CMC1: variants seen among roughly 807,000 people sequenced by gnomAD.
The protein encoded by CMC1 is COX assembly mitochondrial protein homolog.
Under a neutral mutation model 14.1 loss-of-function variants are expected in CMC1, and 14 were observed. That is an observed-to-expected ratio of 0.99 (90% CI 0.66 to 1.55). CMC1 has a LOEUF of 1.55. CMC1 is among the 40% of genes most tolerant of loss of function. CMC1 has a pLI of 0.00. For synonymous variants in CMC1, 50 were observed against 38.4 expected, an observed-to-expected ratio of 1.30 and a Z score of -1.12; for missense variants, 127 against 123.8, an observed-to-expected ratio of 1.03 and a Z score of -0.12.
chr3:28,272,835 C>T (rs191797169), intron 2 of CMC1, among the ~76,000 whole-genome samples: 11 of 152,254 alleles, frequency 7.2e-5, no homozygotes, highest in Non-Finnish European at 1.2e-4. Flanking sequence ...CAGGTGCCCA[C>T]CACCACGCCT....
At chr3:28,254,710 A>G (rs1699302951) in intron 1 of CMC1, among the ~76,000 whole-genome samples, 2 of 152,230 alleles carry the variant, frequency 1.3e-5, no homozygotes, top group Admixed American at 1.3e-4. Context: ...TAGAGCAAAT[A>G]GAAGATTCAT....
intron 2 of CMC1, among the ~76,000 whole-genome samples, chr3:28,300,896 A>T (rs978848300): frequency 6.6e-6 from 1 of 150,496 alleles, no homozygotes; most frequent in East Asian, 2.0e-4. Flanking sequence ...TTTCATAGCC[A>T]TTATGTACTT....
intron 2 of CMC1, among the ~76,000 whole-genome samples, chr3:28,284,487 T>A (rs577921873): frequency 1.3e-5 from 2 of 152,296 alleles, no homozygotes; most frequent in South Asian, 2.1e-4. Context: ...ATAGTGCACA[T>A]GTTTCTCTCC....
chr3:28,309,713 G>A (rs769340875), intron 2 of CMC1, among the ~76,000 whole-genome samples: 2 of 151,766 alleles, frequency 1.3e-5, no homozygotes, highest in Non-Finnish European at 2.9e-5. Flanking sequence ...ATTCCACTGT[G>A]CAAACCCTTT....
chr3:28,274,820 T>C (rs1700494302), intron 2 of CMC1, among the ~76,000 whole-genome samples: 1 of 152,164 alleles, frequency 6.6e-6, no homozygotes, highest in African/African-American at 2.4e-5. Context: ...CTTTTCATTC[T>C]TTTTTCTCTG....
At chr3:28,258,661 C>G (rs1699560378) in intron 1 of CMC1, among the ~76,000 whole-genome samples, 2 of 147,096 alleles carry the variant, frequency 1.4e-5, no homozygotes, top group Admixed American at 6.8e-5. Flanking sequence ...GCACTGTCAC[C>G]CAGGCTGGAG....
intron 2 of CMC1, among the ~76,000 whole-genome samples, chr3:28,295,257 G>C (rs1701679149): frequency 6.6e-6 from 1 of 152,106 alleles, no homozygotes; most frequent in African/African-American, 2.4e-5. Context: ...AGCGTTAGTA[G>C]CTATGCCTTC....
intron 2 of CMC1, among the ~76,000 whole-genome samples, chr3:28,264,517 A>G (rs1423860662): frequency 6.6e-6 from 1 of 152,134 alleles, no homozygotes; most frequent in Non-Finnish European, 1.5e-5. Context: ...TAACCATCCA[A>G]TGGTTTTACT....
chr3:28,293,968 A>T (rs187055647), intron 2 of CMC1, among the ~76,000 whole-genome samples: 3 of 152,210 alleles, frequency 2.0e-5, no homozygotes, highest in African/African-American at 4.8e-5. Flanking sequence ...TATATTTTAC[A>T]TATAGCATTA....
intron 1 of CMC1, among the ~76,000 whole-genome samples, chr3:28,244,046 TGGAGG>T (rs1398535514): frequency 2.0e-5 from 3 of 152,150 alleles, no homozygotes; most frequent in Admixed American, 6.5e-5. Context: ...GGTCAGAGTG[TGGAGG>T]GGATCCATAA....
intron 2 of CMC1, among the ~76,000 whole-genome samples, chr3:28,303,870 T>C (rs1277339901): frequency 6.6e-6 from 1 of 152,178 alleles, no homozygotes; most frequent in East Asian, 1.9e-4. Context: ...TTAGTCTTTA[T>C]TTTCTTAAAT....
At chr3:28,277,909 A>G (rs1187464446) in intron 2 of CMC1, among the ~76,000 whole-genome samples, 1 of 152,182 alleles carries the variant, frequency 6.6e-6, no homozygotes, top group Non-Finnish European at 1.5e-5. Flanking sequence ...TGTAGCTAGT[A>G]AGGAGAAAAA....
chr3:28,304,179 G>T (rs1702189815), intron 2 of CMC1, among the ~76,000 whole-genome samples: 1 of 152,028 alleles, frequency 6.6e-6, no homozygotes, highest in African/African-American at 2.4e-5. Flanking sequence ...GGGCAACATA[G>T]TGAGACCCTG....
At chr3:28,309,500 T>C (rs1336181079) in intron 2 of CMC1, among the ~76,000 whole-genome samples, 1 of 152,116 alleles carries the variant, frequency 6.6e-6, no homozygotes, top group Non-Finnish European at 1.5e-5. Context: ...CACTCATAAA[T>C]AACTATATTC....
chr3:28,316,207 A>AT (rs1702904545), intron 2 of CMC1, 126 bp from the exon 3 acceptor site: 2 of 546,510 alleles, frequency 3.7e-6, no homozygotes, highest in African/African-American at 3.8e-5. Flanking sequence ...AGCTATAATC[A>AT]TGCCACTGCA....
chr3:28,269,281 A>G (rs1700157833), intron 2 of CMC1, among the ~76,000 whole-genome samples: 2 of 152,208 alleles, frequency 1.3e-5, no homozygotes, highest in African/African-American at 4.8e-5. Flanking sequence ...GTGTTAGCTC[A>G]TATGCTCATT....
chr3:28,285,844 G>C (rs536250704), intron 2 of CMC1, among the ~76,000 whole-genome samples: 6 of 150,636 alleles, frequency 4.0e-5, no homozygotes, highest in Non-Finnish European at 8.8e-5. Context: ...TTGGCTCACT[G>C]CAAGCTCTGC....
At chr3:28,267,004 A>G (rs1196515393) in intron 2 of CMC1, among the ~76,000 whole-genome samples, 1 of 152,174 alleles carries the variant, frequency 6.6e-6, no homozygotes, top group Non-Finnish European at 1.5e-5. Context: ...AAGCCAAAAC[A>G]GTAACCTCCC....
intron 2 of CMC1, among the ~76,000 whole-genome samples, chr3:28,310,805 G>A (rs1426156987): frequency 1.3e-5 from 2 of 152,186 alleles, no homozygotes; most frequent in East Asian, 3.8e-4. Flanking sequence ...CACTTTTCCA[G>A]TGGTTTTGGG....
Sources: allele counts gnomAD v4.1 joint callset (sites outside exome capture counted in the v4.1 genomes callset), GRCh38; gene constraint gnomAD v4.1.1; transcripts MANE v1.5; gene names NCBI Gene and HGNC (gene_info 2026-07-23, HGNC 2026-07-21).